The following BAZ1B variants were observed in gnomAD, a reference collection of about 807,000 sequenced individuals.
BAZ1B encodes the protein tyrosine-protein kinase BAZ1B.
Under a neutral mutation model 153.8 loss-of-function variants are expected in BAZ1B, and 22 were observed. The ratio of observed to expected loss-of-function variants is 0.14; its 90% CI spans 0.10 to 0.20. BAZ1B has a LOEUF of 0.20. Among genes scored for constraint, BAZ1B ranks in the 10% least tolerant of loss-of-function variants. The probability of loss-of-function intolerance (pLI) is 1.00; values close to 1 mark genes in which losing one functional copy is unlikely to be tolerated. For synonymous variants in BAZ1B, 676 were observed against 633.4 expected, an observed-to-expected ratio of 1.07 and a Z score of -1.01; for missense variants, 1,325 against 1,799.3, an observed-to-expected ratio of 0.74 and a Z score of 4.77.
At position 73,450,520 on chromosome 7, in the gene BAZ1B, T is replaced by A. The variant is rs534670516; in HGVS notation, c.3580+327A>T. ...GCACATATCTTACTTCACAGATGACTAAAGTTCTGAGCCAATCAAAGGATT... is the reference window on the plus strand; with the variant it reads ...GCACATATCTTACTTCACAGATGACAAAAGTTCTGAGCCAATCAAAGGATT... On this transcript the variant is annotated intron_variant, in intron 14 of 19. Transcript: ENST00000339594. The surrounding 1 kb of genome is among the most constrained non-coding windows in gnomAD (Gnocchi z 4.1). 6.6e-6 allele frequency among the ~76,000 whole-genome samples: 1 copy of A among 152,324 alleles called. No individual in the cohort carries two copies. Among genetic ancestry groups the A allele is most frequent in the Admixed American group, 6.5e-5 (1 of 15,304 alleles).
Position 73,469,624 on chromosome 7 carries a change from G to A in BAZ1B, c.2759C>T (p.Pro920Leu). The change falls in exon 9 of 20, where the codon CCA (proline) becomes CTA (leucine). Residue 920 changes from proline (P) to leucine (L), a missense_variant. Pro to Leu is a moderately conservative substitution (Grantham distance 98). This residue lies in a region of BAZ1B where 431 missense variants were observed against 563.5 expected (regional missense o/e 0.76). Transcript: ENST00000339594. The stretch of plus-strand genomic sequence containing the variant: ...CCAGCCTTTTTCAATGAATAATCCT[G>A]GAACTTCATCTGAGAAGAGCCAGTA... ...NRYWLFSDEVPGLFIEKGWVH... is the reference protein window; with the variant it reads ...NRYWLFSDEVLGLFIEKGWVH... 1 of 1,614,054 alleles carries A rather than the reference G, an allele frequency of 6.2e-7. No individual in the cohort carries two copies. Among genetic ancestry groups the A allele is most frequent in the Non-Finnish European group, 8.5e-7 (1 of 1,179,982 alleles).
intron 5 of BAZ1B, among the ~76,000 whole-genome samples, chr7:73,492,458 G>A (rs529951234): frequency 7.1e-4 from 108 of 152,286 alleles, no homozygotes; most frequent in Non-Finnish European, 1.2e-3. Flanking sequence ...CACCACGCCC[G>A]GCCTGACTGC....
chr7:73,444,469 T>C (rs1457877544), intron 16 of BAZ1B, among the ~76,000 whole-genome samples: 1 of 152,192 alleles, frequency 6.6e-6, no homozygotes, highest in Non-Finnish European at 1.5e-5. Context: ...GAGAAGCCAT[T>C]TGCTAATAGG....
intron 7 of BAZ1B, among the ~76,000 whole-genome samples, chr7:73,472,474 T>C (rs1329506729): frequency 6.6e-6 from 1 of 152,142 alleles, no homozygotes; most frequent in East Asian, 1.9e-4. Flanking sequence ...GTCAGGCTGG[T>C]CTTGAACTCC....
chr7:73,514,426 G>A (rs1371206685), intron 1 of BAZ1B, among the ~76,000 whole-genome samples: 8 of 151,902 alleles, frequency 5.3e-5, no homozygotes, highest in African/African-American at 9.7e-5. Flanking sequence ...CCAGCTACTC[G>A]GGAGGCTGAT....
intron 6 of BAZ1B, 81 bp from the exon 7 acceptor site, chr7:73,478,650 C>G: frequency 8.5e-7 from 1 of 1,183,270 alleles, no homozygotes; most frequent in Non-Finnish European, 1.1e-6. Context: ...TAAAGGCCCT[C>G]TTCCCCAGCT....
At chr7:73,447,754 C>A (rs1380957704) in intron 15 of BAZ1B, among the ~76,000 whole-genome samples, 3 of 152,212 alleles carry the variant, frequency 2.0e-5, no homozygotes, top group African/African-American at 7.2e-5. Flanking sequence ...GCTGTCCCCA[C>A]CTCTGAGGTA....
intron 6 of BAZ1B, among the ~76,000 whole-genome samples, chr7:73,478,910 G>T (rs575031712): frequency 1.3e-5 from 2 of 152,232 alleles, no homozygotes; most frequent in East Asian, 3.9e-4. Flanking sequence ...CAATTTCAGA[G>T]AATCCATCCA....
Position 73,442,840 on chromosome 7 carries a change from G to A in BAZ1B, c.3991-12C>T. ...TTGGTCTGAAGCACCTGGCAGGAAA[G>A]AAAGAACAATGTTATTACAGATTCA... On this transcript the variant is annotated splice_polypyrimidine_tract_variant and intron_variant, in intron 17 of 19. Transcript: ENST00000339594. 1 of 1,600,986 alleles carries A rather than the reference G, an allele frequency of 6.2e-7. No homozygotes were observed. Among genetic ancestry groups the A allele is most frequent in the Non-Finnish European group, 8.6e-7 (1 of 1,168,926 alleles).
intron 1 of BAZ1B, among the ~76,000 whole-genome samples, chr7:73,516,103 C>T (rs1444845832): frequency 1.3e-5 from 2 of 152,156 alleles, no homozygotes; most frequent in African/African-American, 4.8e-5. Context: ...GCCGAGATGG[C>T]ACCACTGTAC....
chr7:73,497,520 TGATA>T (rs565730308), intron 4 of BAZ1B, among the ~76,000 whole-genome samples: 222 of 152,316 alleles, frequency 1.5e-3, no homozygotes, highest in Admixed American at 4.3e-3. Flanking sequence ...TGGTAGCAAA[TGATA>T]GACTAGTATC....
intron 1 of BAZ1B, among the ~76,000 whole-genome samples, chr7:73,520,463 C>T (rs1344974634): frequency 6.6e-6 from 1 of 152,114 alleles, no homozygotes; most frequent in African/African-American, 2.4e-5. Context: ...GTAGGAAGAG[C>T]GGTGGATTCT....
Position 73,521,703 on chromosome 7 carries a change from G to A in BAZ1B, c.107+124C>T, listed in dbSNP as rs1554580237. 6 of 725,456 alleles carry A rather than the reference G, an allele frequency of 8.3e-6. No homozygotes were observed. The East Asian group carries it at 2.0e-4, about 24-fold the overall frequency. 44.9% of individuals were successfully genotyped at this position (725,456 alleles called of 1,614,324 possible). On this transcript the variant is annotated intron_variant, in intron 1 of 19. Transcript: ENST00000339594. ...TGAGACTCAGCCTCCAGGCCCGCGA[G>A]CGGCCGGGGCGCGCTGACAGCTGCC... is the stretch of plus-strand genomic sequence containing the variant.
chr7:73,507,068 TG>T, intron 3 of BAZ1B: 1 of 151,036 alleles, frequency 6.6e-6, no homozygotes, highest in East Asian at 2.0e-4. Context: ...TTAGTAGAGA[TG>T]GGGTTTCACC....
At chr7:73,482,113 G>A (rs543546214) in intron 6 of BAZ1B, among the ~76,000 whole-genome samples, 5 of 152,260 alleles carry the variant, frequency 3.3e-5, no homozygotes, top group Admixed American at 2.0e-4. Context: ...CCTTAGAATG[G>A]GCTGACAAAG....
At chr7:73,501,872 TA>T (rs1378361138) in intron 3 of BAZ1B, among the ~76,000 whole-genome samples, 2 of 151,796 alleles carry the variant, frequency 1.3e-5, no homozygotes, top group African/African-American at 4.8e-5. Flanking sequence ...TTTTCTTTCA[TA>T]GTTCTTATCA....
intron 6 of BAZ1B, among the ~76,000 whole-genome samples, chr7:73,486,084 A>G (rs1280661818): frequency 6.6e-6 from 1 of 152,224 alleles, no homozygotes; most frequent in Non-Finnish European, 1.5e-5. Context: ...ATGGAACTTC[A>G]AGAAATGAAT....
chr7:73,501,139 C>T (rs924308856), intron 3 of BAZ1B, among the ~76,000 whole-genome samples: 5 of 151,910 alleles, frequency 3.3e-5, no homozygotes, highest in African/African-American at 1.2e-4. Flanking sequence ...GCCTGTAATC[C>T]CAGCTGCTCG....
chr7:73,476,171 G>C (rs964051389), intron 7 of BAZ1B, among the ~76,000 whole-genome samples: 1 of 152,118 alleles, frequency 6.6e-6, no homozygotes, highest in Non-Finnish European at 1.5e-5. Context: ...GGCGAATGGG[G>C]TAATGACAGT....
Sources: allele counts gnomAD v4.1 joint callset (sites outside exome capture counted in the v4.1 genomes callset), GRCh38; gene constraint gnomAD v4.1.1; regional missense constraint gnomAD v4.1.1; non-coding constraint Gnocchi (gnomAD v3.1); transcripts MANE v1.5; gene names NCBI Gene and HGNC (gene_info 2026-07-23, HGNC 2026-07-21).